The following PKHD1 variants were observed in gnomAD, a reference collection of about 807,000 sequenced individuals.
PKHD1 encodes PKHD1 ciliary IPT domain containing fibrocystin/polyductin.
PKHD1 carries 291 observed loss-of-function variants against 412.0 expected under a neutral mutation model. The ratio of observed to expected loss-of-function variants is 0.71; its 90% CI spans 0.64 to 0.78. PKHD1 has a LOEUF of 0.78. PKHD1 is among the 30% of genes least tolerant of loss of function. The pLI, the probability that PKHD1 is intolerant of heterozygous loss-of-function variation, is 0.00. For missense variants in PKHD1, 4,825 were observed against 4,950.7 expected, an observed-to-expected ratio of 0.97 and a Z score of 0.76; for synonymous variants, 1,777 against 1,821.5, an observed-to-expected ratio of 0.98 and a Z score of 0.62.
intron 53 of PKHD1, among the ~76,000 whole-genome samples, chr6:51,785,308 G>C (rs889666027): frequency 1.3e-5 from 2 of 152,030 alleles, no homozygotes; most frequent in African/African-American, 4.8e-5. Flanking sequence ...TCCTATAAAG[G>C]TTTGATGCCA....
In PKHD1 at chr6:51,762,559, TA is replaced by T. The variant is rs1281931997; in HGVS notation, c.8643-7622del. 2.6e-5 allele frequency among the ~76,000 whole-genome samples: 4 copies of T among 152,026 alleles called. No homozygotes were observed. In the South Asian group the frequency reaches 8.3e-4, roughly 31 times the overall value. ...ATAATTTTTCTTCAAAATATCTTGC[TA>T]AGCTTACTTTGGTTGATTGTGTAAG... On this transcript the variant is annotated intron_variant, in intron 55 of 66. Transcript: ENST00000371117.
At chr6:52,079,496 T>C (rs1040448628) in intron 5 of PKHD1, among the ~76,000 whole-genome samples, 2 of 152,124 alleles carry the variant, frequency 1.3e-5, no homozygotes, top group Non-Finnish European at 2.9e-5. Context: ...ACAAAAGTAA[T>C]CTTGGTGGCC....
In PKHD1 at chr6:51,619,394, C is replaced by A. The variant is rs762659698; in HGVS notation, c.11912G>T (p.Gly3971Val). Residue 3971 changes from glycine to valine, a missense_variant, in exon 67 of 67, where the codon GGT (glycine) becomes GTT (valine). Coordinates refer to ENST00000371117, the MANE Select transcript of PKHD1 (RefSeq NM_138694.4). ...CCCATGGGATGTGATGCCAGTAGTA[C>A]CAGGAGCAGGCACAGCAGCCTCTTC... ...REEEAAVPAPGTTGITSHGHI... is the reference protein window; with the variant it reads ...REEEAAVPAPVTTGITSHGHI... The A allele has an allele frequency of 6.2e-7, 1 of 1,613,700 alleles. No homozygotes were observed. Among genetic ancestry groups the A allele is most frequent in the South Asian group, 1.1e-5 (1 of 91,080 alleles).
chr6:51,742,997 C>T (rs939229750), intron 60 of PKHD1, among the ~76,000 whole-genome samples: 1 of 151,986 alleles, frequency 6.6e-6, no homozygotes, highest in East Asian at 1.9e-4. Context: ...GATACACATA[C>T]CATGTTAAAC....
In PKHD1 at chr6:51,855,950, C is replaced by A; in HGVS notation, c.7854G>T (p.Leu2618Phe). 6.2e-7 allele frequency: 1 copy of A among 1,613,892 alleles called. No homozygotes were observed. The highest frequency in any genetic ancestry group is 8.5e-7 in the Non-Finnish European group (1 of 1,179,794). ...SNPRGWMALL[L>F]DQETYSLQSE... ...ATTGCAATGAGTAGGTCTCTTGGTCCAAGAGCAGAGCCATCCAGCCACGAG... is the reference window on the plus strand; with the variant it reads ...ATTGCAATGAGTAGGTCTCTTGGTCAAAGAGCAGAGCCATCCAGCCACGAG... The change falls in exon 49 of 67, where the codon TTG becomes TTT. Residue 2618 changes from leucine (L) to phenylalanine (F), a missense_variant. Leu to Phe is a conservative substitution (Grantham distance 22, BLOSUM62 0). Transcript: ENST00000371117.
chr6:51,745,685 C>G (rs1042985976), intron 59 of PKHD1, among the ~76,000 whole-genome samples: 1 of 152,120 alleles, frequency 6.6e-6, no homozygotes, highest in African/African-American at 2.4e-5. Flanking sequence ...ACCTGGGTGA[C>G]ACAGTGAGAC....
chr6:51,643,733 G>A (rs1441080577), intron 63 of PKHD1, among the ~76,000 whole-genome samples: 2 of 151,952 alleles, frequency 1.3e-5, no homozygotes, highest in Non-Finnish European at 2.9e-5. Flanking sequence ...GAACATGCAG[G>A]TTTGTTACGT....
intron 64 of PKHD1, among the ~76,000 whole-genome samples, chr6:51,633,843 T>G (rs1478729303): frequency 6.6e-6 from 1 of 152,128 alleles, no homozygotes; most frequent in East Asian, 1.9e-4. Context: ...GTATTTGAAG[T>G]AATAAAACCA....
chr6:51,745,426 G>A (rs187814861), intron 59 of PKHD1, among the ~76,000 whole-genome samples: 133 of 152,238 alleles, frequency 8.7e-4, no homozygotes, highest in Non-Finnish European at 1.6e-3. Flanking sequence ...AGAACACAGC[G>A]TTTCTCCCCT....
intron 35 of PKHD1, among the ~76,000 whole-genome samples, chr6:51,988,887 A>G (rs1237901215): frequency 6.6e-6 from 1 of 152,218 alleles, no homozygotes; most frequent in Non-Finnish European, 1.5e-5. Context: ...GGAAGAGATG[A>G]CAAGACAAGT....
At position 51,842,720 on chromosome 6, in the gene PKHD1, CA is replaced by C. The variant is rs544748364; in HGVS notation, c.8107+5054del. ...ATTGTGATGAAGACCTCCTCCTGGC[CA>C]CCCCCCTACAAGTGGCCATTGTGAG... is the stretch of plus-strand genomic sequence containing the variant. On this transcript the variant is annotated intron_variant, in intron 50 of 66. Coordinates refer to ENST00000371117, the MANE Select transcript of PKHD1 (RefSeq NM_138694.4). 4.5e-3 allele frequency among the ~76,000 whole-genome samples: 687 copies of C among 152,276 alleles called. 4 individuals carry two copies. The highest frequency in any genetic ancestry group is 0.013 in the South Asian group (65 of 4,820).
chr6:51,979,259 G>A (rs1794836061), intron 35 of PKHD1, among the ~76,000 whole-genome samples: 1 of 152,166 alleles, frequency 6.6e-6, no homozygotes, highest in South Asian at 2.1e-4. Context: ...TTTAAGAGCT[G>A]CTCATCTCTC....
intron 52 of PKHD1, among the ~76,000 whole-genome samples, chr6:51,822,109 G>A (rs976011860): frequency 2.0e-5 from 3 of 152,074 alleles, no homozygotes; most frequent in African/African-American, 7.2e-5. Flanking sequence ...TAGAACACCG[G>A]GCAGTACTGT....
chr6:51,801,164 T>C (rs539547083), intron 52 of PKHD1, among the ~76,000 whole-genome samples: 75 of 152,334 alleles, frequency 4.9e-4, no homozygotes, highest in African/African-American at 1.4e-3. Flanking sequence ...CGTTTAACTT[T>C]GGAGGCATCT....
chr6:51,696,285 A>G (rs1321518007), intron 60 of PKHD1, among the ~76,000 whole-genome samples: 1 of 152,208 alleles, frequency 6.6e-6, no homozygotes, highest in African/African-American at 2.4e-5. Flanking sequence ...ACACAAAGTC[A>G]GCAGAGAATG....
chr6:51,802,309 A>G (rs1377099018), intron 52 of PKHD1, among the ~76,000 whole-genome samples: 6 of 151,562 alleles, frequency 4.0e-5, no homozygotes, highest in Non-Finnish European at 8.8e-5. Flanking sequence ...AAAAGGAACA[A>G]TATGCATTTT....
At chr6:51,910,290 TC>T (rs1419522824) in intron 39 of PKHD1, among the ~76,000 whole-genome samples, 3 of 152,162 alleles carry the variant, frequency 2.0e-5, no homozygotes, top group African/African-American at 7.2e-5. Context: ...TAAAGATTTT[TC>T]ATGTTAATGA....
chr6:51,795,235 C>G (rs1024078719), intron 52 of PKHD1, among the ~76,000 whole-genome samples: 3 of 152,086 alleles, frequency 2.0e-5, no homozygotes, highest in African/African-American at 7.2e-5. Context: ...TTAAGGAGAA[C>G]TGTTCACTTC....
intron 30 of PKHD1, 112 bp from the exon 31 acceptor site, chr6:52,028,008 T>G: frequency 1.7e-6 from 2 of 1,180,320 alleles, no homozygotes; most frequent in Non-Finnish European, 2.5e-6. Flanking sequence ...CTGTAAGTTC[T>G]CTAAGATTTG....
Sources: gnomAD v4.1 joint callset for allele counts (sites outside exome capture counted in the v4.1 genomes callset) on GRCh38, gnomAD v4.1.1 for gene constraint, MANE v1.5 for transcripts, NCBI Gene and HGNC (gene_info 2026-07-23, HGNC 2026-07-21) for gene names.